Variants in SCAMP1 observed in about 807,000 individuals in gnomAD.
The protein encoded by SCAMP1 is secretory carrier membrane protein 1.
A neutral mutation model predicts 41.8 loss-of-function variants in SCAMP1; 15 were observed. The observed-to-expected ratio is 0.36, with a 90% confidence interval of 0.24 to 0.55. The LOEUF (loss-of-function observed/expected upper bound fraction) is 0.55. SCAMP1 is among the 20% of genes least tolerant of loss of function. SCAMP1 has a pLI of 0.86. For missense variants in SCAMP1, 341 were observed against 412.6 expected (o/e 0.83, Z 1.50); for synonymous variants, 135 against 136.8 (o/e 0.99, Z 0.09).
rs187498401 is a variant in SCAMP1, at chr5:78,375,370, G to A, written c.58-13467G>A. 4.5e-4 allele frequency among the ~76,000 whole-genome samples: 69 copies of A among 152,054 alleles called. 1 individual carries two copies. The highest frequency in any genetic ancestry group is 1.4e-3 in the African/African-American group (58 of 41,454). ...CATGTCACTTATTATATGACTTTGG[G>A]CAAATTACTAAAACATCTCTAAGTC... On this transcript the variant is annotated intron_variant, in intron 1 of 8. Transcript: ENST00000621999.
At chr5:78,424,230 A>T (rs1752411631) in intron 6 of SCAMP1, among the ~76,000 whole-genome samples, 1 of 152,180 alleles carries the variant, frequency 6.6e-6, no homozygotes, top group African/African-American at 2.4e-5. Context: ...ATAATCATTA[A>T]TATACCTTCC....
At chr5:78,460,788 C>CTTTCTTTCTTT (rs1434366301) in intron 8 of SCAMP1, among the ~76,000 whole-genome samples, 7 of 33,856 alleles carry the variant, frequency 2.1e-4, no homozygotes, top group East Asian at 3.4e-3. Context: ...TTCCTTCCTT[C>CTTTCTTTCTTT]CTTCCTTCCT....
At chr5:78,455,059 T>TG (rs1207165953) in intron 7 of SCAMP1, among the ~76,000 whole-genome samples, 1 of 151,618 alleles carries the variant, frequency 6.6e-6, no homozygotes, top group Non-Finnish European at 1.5e-5. Context: ...TTGTGTCTAT[T>TG]TGATTCTTCT....
intron 7 of SCAMP1, among the ~76,000 whole-genome samples, chr5:78,456,075 T>C (rs928164342): frequency 6.8e-5 from 7 of 103,150 alleles, no homozygotes; most frequent in African/African-American, 2.9e-4. Context: ...AGCCTATGTG[T>C]GTCTCTGCAC....
At chr5:78,402,732 G>C (rs548275892) in intron 2 of SCAMP1, among the ~76,000 whole-genome samples, 8 of 152,140 alleles carry the variant, frequency 5.3e-5, no homozygotes, top group Admixed American at 2.6e-4. Context: ...CTTGTTTTTT[G>C]ATCATCTCAT....
intron 1 of SCAMP1, among the ~76,000 whole-genome samples, chr5:78,376,733 C>G (rs762885341): frequency 2.0e-5 from 3 of 152,110 alleles, no homozygotes; most frequent in Middle Eastern, 6.8e-3. Flanking sequence ...GGCATGGGGT[C>G]GGAGGATAGG....
intron 2 of SCAMP1, among the ~76,000 whole-genome samples, chr5:78,414,502 C>T (rs1245361428): frequency 6.6e-6 from 1 of 151,906 alleles, no homozygotes; most frequent in Non-Finnish European, 1.5e-5. Context: ...AGGCTGGTCT[C>T]GAACTCCTGA....
intron 6 of SCAMP1, among the ~76,000 whole-genome samples, chr5:78,440,058 G>T (rs1269185743): frequency 6.6e-6 from 1 of 152,072 alleles, no homozygotes; most frequent in Non-Finnish European, 1.5e-5. Context: ...GCTCCATCAG[G>T]TCCTTTTAAG....
intron 7 of SCAMP1, among the ~76,000 whole-genome samples, chr5:78,455,080 C>G (rs1291051325): frequency 6.6e-6 from 1 of 150,638 alleles, no homozygotes; most frequent in African/African-American, 2.4e-5. Flanking sequence ...CTCTTTTTTT[C>G]TTTATTAGTC....
intron 5 of SCAMP1, among the ~76,000 whole-genome samples, chr5:78,420,603 GCTC>G (rs1554043957): frequency 6.6e-6 from 1 of 152,102 alleles, no homozygotes; most frequent in Non-Finnish European, 1.5e-5. Flanking sequence ...AGTGGGAAAA[GCTC>G]CTGCATTTCT....
At chr5:78,371,727 A>C (rs1304190097) in intron 1 of SCAMP1, among the ~76,000 whole-genome samples, 1 of 152,230 alleles carries the variant, frequency 6.6e-6, no homozygotes, top group Non-Finnish European at 1.5e-5. Flanking sequence ...AGTATTACCA[A>C]CTTGATATGT....
At chr5:78,379,047 A>G (rs1751135243) in intron 1 of SCAMP1, among the ~76,000 whole-genome samples, 1 of 152,224 alleles carries the variant, frequency 6.6e-6, no homozygotes, top group South Asian at 2.1e-4. Context: ...TATTTTGATT[A>G]TGTTGGAGAA....
chr5:78,455,204 G>C (rs2112220210), intron 7 of SCAMP1, among the ~76,000 whole-genome samples: 1 of 150,638 alleles, frequency 6.6e-6, no homozygotes, highest in African/African-American at 2.4e-5. Context: ...TCTGATTTTA[G>C]TTATTTCTTG....
In SCAMP1 at chr5:78,404,453, G is replaced by GTTTTTTTTTTTTTTTTTTTT. The variant is rs3058233; in HGVS notation, c.136-11066_136-11047dup. Among the ~76,000 whole-genome samples, 14 of 98,180 alleles carry GTTTTTTTTTTTTTTTTTTTT rather than the reference G, an allele frequency of 1.4e-4. 2 individuals are homozygous for GTTTTTTTTTTTTTTTTTTTT. Among genetic ancestry groups the GTTTTTTTTTTTTTTTTTTTT allele is most frequent in the African/African-American group, 6.3e-4 (14 of 22,206 alleles). The allele number at this position is 98,180 out of a possible 152,430, so 64.4% of individuals were successfully genotyped here. ...TGAGCCACTGTGCCCAGCCTTACAG[G>GTTTTTTTTTTTTTTTTTTTT]TTTTTTTTTTTTTTTTTTTTGCTAG... On this transcript the variant is annotated intron_variant, in intron 2 of 8. Coordinates refer to ENST00000621999, the MANE Select transcript of SCAMP1 (RefSeq NM_004866.6).
At position 78,433,561 on chromosome 5, in the gene SCAMP1, G is replaced by A. The variant is rs77040032; in HGVS notation, c.632+11601G>A. ...TTTTTGCTCACCATGACTGCCCTCA[G>A]TACCTCAGAGACTTCAAATTACTTT... On this transcript the variant is annotated intron_variant, in intron 6 of 8. Transcript: ENST00000621999. 6.7e-3 allele frequency among the ~76,000 whole-genome samples: 1,019 copies of A among 152,274 alleles called. 7 individuals carry two copies. Among genetic ancestry groups the A allele is most frequent in the Non-Finnish European group, 0.01 (707 of 68,022 alleles).
intron 2 of SCAMP1, among the ~76,000 whole-genome samples, chr5:78,394,818 A>G (rs991062427): frequency 1.3e-5 from 2 of 152,180 alleles, no homozygotes; most frequent in Admixed American, 6.5e-5. Context: ...ATCGTTGGCT[A>G]GAAATACCCG....
At chr5:78,382,111 A>T (rs772639280) in intron 1 of SCAMP1, among the ~76,000 whole-genome samples, 1 of 152,180 alleles carries the variant, frequency 6.6e-6, no homozygotes, top group Non-Finnish European at 1.5e-5. Flanking sequence ...TTAGAAATAC[A>T]GGTTTTCAGA....
chr5:78,427,180 A>G (rs975177595), intron 6 of SCAMP1, among the ~76,000 whole-genome samples: 1 of 152,192 alleles, frequency 6.6e-6, no homozygotes, highest in African/African-American at 2.4e-5. Context: ...GCTTCTCCTT[A>G]TGGTGGAAAG....
chr5:78,413,558 C>T (rs954042851), intron 2 of SCAMP1, among the ~76,000 whole-genome samples: 5 of 152,128 alleles, frequency 3.3e-5, no homozygotes, highest in African/African-American at 7.2e-5. Context: ...GCTGGGACTA[C>T]AGGTGCACAC....
Sources: gnomAD v4.1 joint callset for allele counts (sites outside exome capture counted in the v4.1 genomes callset) on GRCh38, gnomAD v4.1.1 for gene constraint, MANE v1.5 for transcripts, NCBI Gene and HGNC (gene_info 2026-07-23, HGNC 2026-07-21) for gene names.